HAL: variants seen among roughly 807,000 people sequenced by gnomAD.
The protein encoded by HAL is histidine ammonia-lyase, also known as histidase.
A neutral mutation model predicts 81.1 loss-of-function variants in HAL; 85 were observed. That is an observed-to-expected ratio of 1.05 (90% CI 0.88 to 1.25). The LOEUF (loss-of-function observed/expected upper bound fraction) is 1.25, where lower values mean the gene tolerates loss of function less well. Ranked by LOEUF, HAL falls within the 50% of genes most tolerant of loss-of-function variation. HAL has a pLI of 0.00. For missense variants in HAL, 798 were observed against 836.6 expected, an observed-to-expected ratio of 0.95 and a Z score of 0.57; for synonymous variants, 301 against 309.2, an observed-to-expected ratio of 0.97 and a Z score of 0.28.
At position 95,977,939 on chromosome 12, in the gene HAL, A is replaced by G; in HGVS notation, c.1654+5T>C. On this transcript the variant is annotated splice_donor_5th_base_variant and intron_variant, in intron 18 of 20. Transcript: ENST00000261208. ...GGCCCGCCACCCCGAACTCATCAGC[A>G]TTACCTTGCTCCACATGCTCGATGA... 1 of 1,614,076 alleles carries G rather than the reference A, an allele frequency of 6.2e-7. No homozygotes were observed. The highest frequency in any genetic ancestry group is 8.5e-7 in the Non-Finnish European group (1 of 1,179,966).
In HAL at chr12:95,986,136, C is replaced by G; in HGVS notation, c.1076G>C (p.Arg359Pro). ...DTDIHALRPH[R>P]GQIEVAFRFR... ...CCGAAAAGCAACTTCAATTTGCCCA[C>G]GGTGAGGTCGAAGAGCATGAATGTC... is the stretch of plus-strand genomic sequence containing the variant. The change falls in exon 13 of 21, where the codon CGT (arginine) becomes CCT (proline). Residue 359 changes from arginine (R) to proline (P), a missense_variant. Physicochemically the swap from Arg to Pro is moderately radical, Grantham distance 103 (BLOSUM62 -2). Transcript: ENST00000261208. 6.2e-7 allele frequency: 1 copy of G among 1,605,160 alleles called. No homozygotes were observed. The highest frequency in any genetic ancestry group is 8.5e-7 in the Non-Finnish European group (1 of 1,171,850).
chr12:95,990,894 G>T (rs1409284065), intron 9 of HAL, among the ~76,000 whole-genome samples: 2 of 152,176 alleles, frequency 1.3e-5, no homozygotes, highest in African/African-American at 4.8e-5. Context: ...CATATCACTT[G>T]AGCCCAGGAG....
rs763157217 is a variant in HAL, at chr12:95,995,897, G to A, written c.14C>T (p.Thr5Met). 2.0e-5 allele frequency: 32 copies of A among 1,604,404 alleles called. No homozygotes were observed. In the Admixed American group the frequency reaches 3.0e-4, roughly 15 times the overall value. ...CAGCCATTCCCCACGTACGTGCACCGTGTATCTGGGCATGGCTCCGCTGCA... is the reference window on the plus strand; with the variant it reads ...CAGCCATTCCCCACGTACGTGCACCATGTATCTGGGCATGGCTCCGCTGCA... Reference protein sequence around the residue: MPRYTVHVRGEWLAV... With the variant: MPRYMVHVRGEWLAV... The change falls in exon 2 of 21, where the codon ACG (threonine) becomes ATG (methionine). Residue 5 changes from threonine to methionine, a missense_variant. Coordinates refer to ENST00000261208, the MANE Select transcript of HAL (RefSeq NM_002108.4).
Position 95,986,031 on chromosome 12 carries a change from A to T in HAL, c.1147+34T>A, listed in dbSNP as rs912111275. 2.6e-6 allele frequency: 4 copies of T among 1,562,204 alleles called. No individual in the cohort carries two copies. The African/African-American group carries it at 5.4e-5, about 21-fold the overall frequency. On this transcript the variant is annotated intron_variant, in intron 13 of 20. Coordinates refer to ENST00000261208, the MANE Select transcript of HAL (RefSeq NM_002108.4). Reference sequence around the variant, plus strand: ...ACCAATTCTTTTCACAAAACACGTAACCAAATAGGTCACTCCCATAAACAT... The same window carrying T: ...ACCAATTCTTTTCACAAAACACGTATCCAAATAGGTCACTCCCATAAACAT...
intron 15 of HAL, among the ~76,000 whole-genome samples, chr12:95,982,481 C>T (rs17733203): frequency 0.14 from 21,758 of 152,212 alleles, 2,021 homozygotes; most frequent in Non-Finnish European, 0.22. Flanking sequence ...AGAATAGATA[C>T]CTCTTCCCTA....
At chr12:95,981,330 T>A (rs2080793078) in intron 15 of HAL, among the ~76,000 whole-genome samples, 1 of 152,214 alleles carries the variant, frequency 6.6e-6, no homozygotes, top group Non-Finnish European at 1.5e-5. Flanking sequence ...AACAATCAAT[T>A]TTGAGAAAAT....
Position 95,987,136 on chromosome 12 carries a change from G to C in HAL, c.982C>G (p.Arg328Gly), listed in dbSNP as rs369791382. 1 of 1,612,544 alleles carries C rather than the reference G, an allele frequency of 6.2e-7. No homozygotes were observed. Among genetic ancestry groups the C allele is most frequent in the African/African-American group, 1.3e-5 (1 of 74,894 alleles). ...AGGGCTGCCACAATGTCAGCCTGCC[G>C]TGCAATAGCACTGGCTCGCTCTACA... is the stretch of plus-strand genomic sequence containing the variant. Reference protein sequence around the residue: ...EAVERASAIARQADIVAALTL... With the variant: ...EAVERASAIAGQADIVAALTL... Residue 328 changes from arginine to glycine, a missense_variant, in exon 12 of 21, where the codon CGG becomes GGG. Arg to Gly is a moderately radical substitution (Grantham distance 125, BLOSUM62 -2). Transcript: ENST00000261208.
At chr12:95,976,525 A>T in intron 19 of HAL, 27 bp from the exon 20 acceptor site, 1 of 1,611,664 alleles carries the variant, frequency 6.2e-7, no homozygotes, top group South Asian at 1.1e-5. Flanking sequence ...TCCGCCCATC[A>T]GCCAAACATG....
intron 15 of HAL, chr12:95,983,624 C>A (rs2136805024): frequency 2.2e-6 from 1 of 462,428 alleles, no homozygotes; most frequent in East Asian, 4.1e-5. Flanking sequence ...CTTCAGGAAA[C>A]ATGTCAGCCA....
In HAL at chr12:95,994,012, G is replaced by C. The variant is rs1458163755; in HGVS notation, c.412-14C>G. On this transcript the variant is annotated splice_polypyrimidine_tract_variant and intron_variant, in intron 5 of 20. Transcript: ENST00000261208. ...TGTTGGGGTGAGCTAGGAAAATGTTGATCAGAACTGAGCACGTTAAAGACT... is the reference window on the plus strand; with the variant it reads ...TGTTGGGGTGAGCTAGGAAAATGTTCATCAGAACTGAGCACGTTAAAGACT... The C allele has an allele frequency of 2.5e-6, 4 of 1,608,168 alleles. No individual in the cohort carries two copies. The highest frequency in any genetic ancestry group is 3.4e-6 in the Non-Finnish European group (4 of 1,174,758).
rs1329751631 is a variant in HAL, at chr12:95,972,893, C to T, written c.*1339G>A. 2 of 152,206 alleles carry T rather than the reference C, an allele frequency of 1.3e-5. No homozygotes were observed. The highest frequency in any genetic ancestry group is 6.5e-5 in the Admixed American group (1 of 15,286). The allele number at this position is 152,206 out of a possible 1,614,324, so 9.4% of individuals were successfully genotyped here. On this transcript the variant is annotated 3_prime_UTR_variant, in exon 21 of 21. Coordinates refer to ENST00000261208, the MANE Select transcript of HAL (RefSeq NM_002108.4). ...CCCACGGATGACAATGCACAAACCTCATTTGTGTGTGTTCACATTTTGACA... is the reference window on the plus strand; with the variant it reads ...CCCACGGATGACAATGCACAAACCTTATTTGTGTGTGTTCACATTTTGACA...
intron 2 of HAL, 33 bp from the exon 3 acceptor site, chr12:95,995,026 C>A (rs1950016163): frequency 6.7e-7 from 1 of 1,485,462 alleles, no homozygotes; most frequent in Non-Finnish European, 9.4e-7. Flanking sequence ...CGTTACAGAT[C>A]ACATTGTACA....
At chr12:95,981,404 C>T (rs1019590263) in intron 15 of HAL, among the ~76,000 whole-genome samples, 7 of 152,178 alleles carry the variant, frequency 4.6e-5, no homozygotes, top group Admixed American at 3.9e-4. Context: ...CCAATATGTC[C>T]TCATGAATCC....
At chr12:95,974,802 T>C (rs572987851) in intron 20 of HAL, among the ~76,000 whole-genome samples, 11 of 152,226 alleles carry the variant, frequency 7.2e-5, no homozygotes, top group African/African-American at 2.6e-4. Flanking sequence ...TGCAGTAGCA[T>C]GATCTCAGCT....
chr12:95,988,261 T>G (rs772894188), intron 10 of HAL, 21 bp from the exon 11 acceptor site: 1 of 1,266,088 alleles, frequency 7.9e-7, no homozygotes, highest in Non-Finnish European at 1.2e-6. Flanking sequence ...ATTAAAAATA[T>G]GAAAATGGGT....
intron 15 of HAL, among the ~76,000 whole-genome samples, chr12:95,981,716 T>C (rs1294442032): frequency 6.6e-6 from 1 of 152,218 alleles, no homozygotes; most frequent in Non-Finnish European, 1.5e-5. Flanking sequence ...CACCTTGGCC[T>C]CCCAAAGTGC....
chr12:95,992,267 C>A (rs1333909207), intron 9 of HAL, among the ~76,000 whole-genome samples: 1 of 152,212 alleles, frequency 6.6e-6, no homozygotes. Context: ...ACCTGGGGGA[C>A]ATTACGATTT....
Position 95,974,347 on chromosome 12 carries a change from AT to A in HAL, c.1858del (p.Ile620LeufsTer70), listed in dbSNP as rs749836087. ...QKVWEVAAPY[I>X]EKYRMEHIPE... ...AATATGCTCCATTCTGTATTTTTCA[AT>A]GTATGGAGCAGCTACTTCCCAAACC... On this transcript the variant is annotated frameshift_variant, in exon 21 of 21. Transcript: ENST00000261208. LOFTEE classifies it high-confidence loss of function. 1 of 1,613,040 alleles carries A rather than the reference AT, an allele frequency of 6.2e-7. No homozygotes were observed. Among genetic ancestry groups the A allele is most frequent in the South Asian group, 1.1e-5 (1 of 91,064 alleles).
chr12:95,988,484 A>G (rs1324741208), intron 10 of HAL, among the ~76,000 whole-genome samples: 1 of 152,176 alleles, frequency 6.6e-6, no homozygotes, highest in East Asian at 1.9e-4. Flanking sequence ...TTGTCTATAG[A>G]ATCAACCCTA....
Sources: gnomAD v4.1 joint callset for allele counts (sites outside exome capture counted in the v4.1 genomes callset) on GRCh38, gnomAD v4.1.1 for gene constraint, MANE v1.5 for transcripts, NCBI Gene and HGNC (gene_info 2026-07-23, HGNC 2026-07-21) for gene names.